The following HIBADH variants were observed in gnomAD, a reference collection of about 807,000 sequenced individuals.
The protein encoded by HIBADH is 3-hydroxyisobutyrate dehydrogenase, mitochondrial.
Under a neutral mutation model 36.1 loss-of-function variants are expected in HIBADH, and 25 were observed. The observed-to-expected ratio is 0.69, with a 90% CI of 0.50 to 0.97. The LOEUF (loss-of-function observed/expected upper bound fraction) is 0.97, where lower values mean the gene tolerates loss of function less well. HIBADH is among the 50% of genes least tolerant of loss of function. The pLI is 0.00. For synonymous variants in HIBADH, 160 were observed against 149.5 expected (o/e 1.07, Z -0.51); for missense variants, 421 against 418.0 (o/e 1.01, Z -0.06).
At chr7:27,588,622 C>T (rs1295575839) in intron 4 of HIBADH, among the ~76,000 whole-genome samples, 4 of 152,226 alleles carry the variant, frequency 2.6e-5, no homozygotes, top group African/African-American at 2.4e-5. Flanking sequence ...TGAGCCACCA[C>T]ACCTGGCCCA....
At chr7:27,556,006 A>G (rs1169960353) in intron 4 of HIBADH, among the ~76,000 whole-genome samples, 1 of 152,202 alleles carries the variant, frequency 6.6e-6, no homozygotes, top group Non-Finnish European at 1.5e-5. Flanking sequence ...AACAAAATTT[A>G]AAGATAGTCG....
At chr7:27,615,639 C>T (rs893501316) in intron 4 of HIBADH, among the ~76,000 whole-genome samples, 4 of 152,046 alleles carry the variant, frequency 2.6e-5, no homozygotes, top group African/African-American at 9.6e-5. Context: ...CTGGTATAAA[C>T]AAACCTACTG....
Position 27,630,149 on chromosome 7 carries a change from T to A in HIBADH, c.363-657A>T, listed in dbSNP as rs1446538328. Among the ~76,000 whole-genome samples, 5 of 152,334 alleles carry A rather than the reference T, an allele frequency of 3.3e-5. No individual in the cohort carries two copies. The East Asian group carries it at 9.6e-4, about 29-fold the overall frequency. On this transcript the variant is annotated intron_variant, in intron 3 of 7. Coordinates refer to ENST00000265395, the MANE Select transcript of HIBADH (RefSeq NM_152740.4). ...TATACACTATAAGGCAGTGTCTATC[T>A]TCACTAGCTAGGAAACTCTAACCTA...
intron 4 of HIBADH, among the ~76,000 whole-genome samples, chr7:27,606,503 C>T (rs184114573): frequency 4.2e-4 from 64 of 152,324 alleles, no homozygotes; most frequent in Non-Finnish European, 5.4e-4. Context: ...TAGAAATCTC[C>T]AGCTCTTGAC....
chr7:27,526,170 G>A lies in HIBADH; in HGVS notation c.*44C>T. 1.3e-6 allele frequency: 2 copies of A among 1,527,030 alleles called. No individual in the cohort carries two copies. Among genetic ancestry groups the A allele is most frequent in the Non-Finnish European group, 1.8e-6 (2 of 1,138,060 alleles). The allele number at this position is 1,527,030 out of a possible 1,614,324, so 94.6% of individuals were successfully genotyped here. A position where few individuals can be genotyped will look rare whatever the true frequency, so the allele number is the denominator to read the frequency against. ...GGAGTGAGCTAAAAGGAGGCTCCAAGACAGAGTTTGGTTCCCAACAGTGTC... is the reference window on the plus strand; with the variant it reads ...GGAGTGAGCTAAAAGGAGGCTCCAAAACAGAGTTTGGTTCCCAACAGTGTC... On this transcript the variant is annotated 3_prime_UTR_variant, in exon 8 of 8. Transcript: ENST00000265395.
chr7:27,602,675 C>T (rs1785150890), intron 4 of HIBADH, among the ~76,000 whole-genome samples: 1 of 152,094 alleles, frequency 6.6e-6, no homozygotes, highest in Non-Finnish European at 1.5e-5. Context: ...TTTTACATTA[C>T]AAGGCGTCAG....
At position 27,640,455 on chromosome 7, in the gene HIBADH, G is replaced by A. The variant is rs373861802; in HGVS notation, c.253-8010C>T. ...AGGGGCGGGAGGATCACTTGAGTCT[G>A]GGAGGTTGAGGCTGCAGTGAGCCAT... On this transcript the variant is annotated intron_variant, in intron 2 of 7. Transcript: ENST00000265395. Among the ~76,000 whole-genome samples, 38 of 152,262 alleles carry A rather than the reference G, an allele frequency of 2.5e-4. No individual in the cohort carries two copies. The South Asian group carries it at 7.2e-3, about 29-fold the overall frequency.
intron 1 of HIBADH, 74 bp from the exon 2 acceptor site, chr7:27,649,707 G>T: frequency 7.5e-7 from 1 of 1,334,994 alleles, no homozygotes. Context: ...ATATTAGCAA[G>T]TCAATTGTTA....
chr7:27,536,053 G>A (rs771610007), intron 6 of HIBADH, among the ~76,000 whole-genome samples: 1 of 152,012 alleles, frequency 6.6e-6, no homozygotes, highest in Non-Finnish European at 1.5e-5. Flanking sequence ...ACTACTTTGC[G>A]GGAATTTACT....
intron 4 of HIBADH, among the ~76,000 whole-genome samples, chr7:27,621,661 A>T (rs1028490360): frequency 6.6e-6 from 1 of 152,070 alleles, no homozygotes; most frequent in African/African-American, 2.4e-5. Flanking sequence ...GTGTGGCAGC[A>T]CAAGCCTGTA....
rs190752361 is a variant in HIBADH, at chr7:27,623,006, A to C, written c.484+6365T>G. Among the ~76,000 whole-genome samples, 218 of 152,298 alleles carry C rather than the reference A, an allele frequency of 1.4e-3. 1 individual carries two copies. Among genetic ancestry groups the C allele is most frequent in the African/African-American group, 5.0e-3 (209 of 41,558 alleles). On this transcript the variant is annotated intron_variant, in intron 4 of 7. Coordinates refer to ENST00000265395, the MANE Select transcript of HIBADH (RefSeq NM_152740.4). ...ATACCTGATGAACACAGGTGCAAAA[A>C]TTCTCAACAAAATACTAGCAAACAG...
intron 4 of HIBADH, among the ~76,000 whole-genome samples, chr7:27,602,953 A>T (rs1785157916): frequency 6.6e-6 from 1 of 152,120 alleles, no homozygotes; most frequent in South Asian, 2.1e-4. Flanking sequence ...AGCATTGTTT[A>T]TGTGGAGTTG....
chr7:27,540,121 T>C (rs1784127118), intron 5 of HIBADH, among the ~76,000 whole-genome samples: 1 of 152,148 alleles, frequency 6.6e-6, no homozygotes, highest in South Asian at 2.1e-4. Context: ...TGCTCTTTCA[T>C]TTCTCTAAAA....
intron 4 of HIBADH, among the ~76,000 whole-genome samples, chr7:27,545,567 T>C (rs756162366): frequency 1.2e-4 from 19 of 152,344 alleles, no homozygotes; most frequent in Non-Finnish European, 2.5e-4. Context: ...AGACATTGTA[T>C]AGATGTTTAT....
In HIBADH at chr7:27,543,112, G is replaced by A. The variant is rs372529743; in HGVS notation, c.485-12C>T. On this transcript the variant is annotated splice_polypyrimidine_tract_variant and intron_variant, in intron 4 of 7. Transcript: ENST00000265395. ...TGCAGCTCCTACACCTGAATCATTT[G>A]GGGGTAAAGGGATAGAAGCAAAAGA... 4 of 1,612,742 alleles carry A rather than the reference G, an allele frequency of 2.5e-6. No homozygotes were observed. The highest frequency in any genetic ancestry group is 1.7e-5 in the Admixed American group (1 of 59,834).
At chr7:27,573,999 C>CTACTT (rs1378097595) in intron 4 of HIBADH, among the ~76,000 whole-genome samples, 19 of 152,230 alleles carry the variant, frequency 1.2e-4, no homozygotes, top group African/African-American at 4.6e-4. Context: ...TTGGACAGTG[C>CTACTT]TACTTTCAGA....
At chr7:27,569,303 A>G (rs1482120332) in intron 4 of HIBADH, among the ~76,000 whole-genome samples, 1 of 152,172 alleles carries the variant, frequency 6.6e-6, no homozygotes, top group Admixed American at 6.5e-5. Flanking sequence ...GGGTAATCTC[A>G]GGGTTGGTAT....
intron 4 of HIBADH, among the ~76,000 whole-genome samples, chr7:27,592,973 A>G (rs943867686): frequency 2.6e-5 from 4 of 152,150 alleles, no homozygotes. Flanking sequence ...CTCTGTGCCT[A>G]GTTAACTCAT....
intron 4 of HIBADH, among the ~76,000 whole-genome samples, chr7:27,552,318 G>A (rs1052635488): frequency 2.0e-5 from 3 of 152,146 alleles, no homozygotes; most frequent in Non-Finnish European, 4.4e-5. Flanking sequence ...ATAACCCCTT[G>A]TTAACACTAT....
Sources: gnomAD v4.1 joint callset for allele counts (sites outside exome capture counted in the v4.1 genomes callset) on GRCh38, gnomAD v4.1.1 for gene constraint, MANE v1.5 for transcripts, NCBI Gene and HGNC (gene_info 2026-07-23, HGNC 2026-07-21) for gene names.